Variants in PTK2 observed in about 807,000 individuals in gnomAD.
PTK2 encodes protein tyrosine kinase 2, also known as focal adhesion kinase 1.
PTK2 carries 45 observed loss-of-function variants against 150.1 expected under a neutral mutation model. The observed-to-expected ratio is 0.30, with a 90% confidence interval of 0.24 to 0.38. The LOEUF is 0.38. Among genes scored for constraint, PTK2 ranks in the 10% least tolerant of loss-of-function variants. The probability of loss-of-function intolerance (pLI) is 1.00; values close to 1 mark genes in which losing one functional copy is unlikely to be tolerated. For synonymous variants in PTK2, 432 were observed against 449.2 expected, an observed-to-expected ratio of 0.96 and a Z score of 0.48; for missense variants, 919 against 1,307.3, an observed-to-expected ratio of 0.70 and a Z score of 4.58.
chr8:140,904,847 C>T (rs1268068170), intron 2 of PTK2, among the ~76,000 whole-genome samples: 1 of 151,872 alleles, frequency 6.6e-6, no homozygotes, highest in African/African-American at 2.4e-5. Context: ...TGGTGATATC[C>T]CCTTTATCAT....
rs998796552 is a variant in PTK2, at chr8:140,704,889, A to G, written c.2229+1230T>C. 3.3e-5 allele frequency among the ~76,000 whole-genome samples: 5 copies of G among 152,176 alleles called. 1 individual carries two copies. Among genetic ancestry groups the G allele is most frequent in the Admixed American group, 3.3e-4 (5 of 15,274 alleles). On this transcript the variant is annotated intron_variant, in intron 24 of 31. Transcript: ENST00000522684. The stretch of plus-strand genomic sequence containing the variant: ...TGTCTTCATATTCCCAGTCCCTAGA[A>G]TAGTACCAGGCAGAGTAGATGAACA...
chr8:140,766,070 G>A (rs2100072090), intron 14 of PTK2, among the ~76,000 whole-genome samples: 1 of 152,118 alleles, frequency 6.6e-6, no homozygotes, highest in African/African-American at 2.4e-5. Flanking sequence ...CCCTGCTGCA[G>A]CAGGATTTTG....
At chr8:140,783,914 G>C (rs1294437731) in intron 14 of PTK2, among the ~76,000 whole-genome samples, 2 of 152,162 alleles carry the variant, frequency 1.3e-5, no homozygotes, top group East Asian at 3.8e-4. Flanking sequence ...TTTAATTCCA[G>C]CACTTTGGAA....
rs79910368 is a variant in PTK2, at chr8:140,918,939, A to T, written c.-33+6722T>A. Among the ~76,000 whole-genome samples the T allele has an allele frequency of 4.2e-3, 647 of 152,310 alleles. 8 individuals are homozygous for T. Among genetic ancestry groups the T allele is most frequent in the African/African-American group, 0.015 (628 of 41,550 alleles). On this transcript the variant is annotated intron_variant, in intron 2 of 31. Transcript: ENST00000522684. ...CAACATCTTTGTCCTTATCACACAG[A>T]TAAAAATTAACCAGCATAACAACAA...
intron 14 of PTK2, among the ~76,000 whole-genome samples, chr8:140,776,744 C>T (rs572211961): frequency 1.3e-5 from 2 of 152,154 alleles, no homozygotes; most frequent in African/African-American, 2.4e-5. Context: ...ATAGTGGCCA[C>T]GGGTCTGGAG....
At chr8:140,927,957 A>AG (rs2100170155) in intron 1 of PTK2, among the ~76,000 whole-genome samples, 3 of 79,164 alleles carry the variant, frequency 3.8e-5, no homozygotes, top group African/African-American at 1.5e-4. Context: ...AAAAAAAAAA[A>AG]GAAAAAAAAA....
intron 14 of PTK2, among the ~76,000 whole-genome samples, chr8:140,784,645 A>G (rs1380477176): frequency 6.6e-6 from 1 of 152,190 alleles, no homozygotes; most frequent in Admixed American, 6.5e-5. Flanking sequence ...GATAGACTGC[A>G]GCACCTGACT....
chr8:140,890,459 T>C (rs544458100), intron 3 of PTK2, 84 bp downstream of exon 3: 2 of 1,171,680 alleles, frequency 1.7e-6, no homozygotes, highest in South Asian at 3.0e-5. Context: ...TAAATAAAAA[T>C]TATTACACTA....
At chr8:140,794,683 C>G (rs1303612062) in intron 12 of PTK2, among the ~76,000 whole-genome samples, 5 of 152,174 alleles carry the variant, frequency 3.3e-5, no homozygotes, top group African/African-American at 1.2e-4. Flanking sequence ...CTCATGGCAC[C>G]TCTTCGTCTT....
intron 26 of PTK2, among the ~76,000 whole-genome samples, chr8:140,691,946 T>G (rs1225051540): frequency 1.3e-5 from 2 of 152,214 alleles, no homozygotes; most frequent in Non-Finnish European, 2.9e-5. Flanking sequence ...CTTCAATCAG[T>G]CAACAGATAA....
At chr8:140,853,725 A>G (rs2100130816) in intron 5 of PTK2, among the ~76,000 whole-genome samples, 1 of 152,308 alleles carries the variant, frequency 6.6e-6, no homozygotes, top group East Asian at 1.9e-4. Context: ...TACAAGAGTG[A>G]AAAAGGGAGA....
chr8:140,826,449 C>T (rs1452960771), intron 8 of PTK2, among the ~76,000 whole-genome samples: 1 of 152,100 alleles, frequency 6.6e-6, no homozygotes, highest in African/African-American at 2.4e-5. Context: ...ATTGGGTACA[C>T]AAAATTACAG....
At chr8:140,782,745 T>A (rs974865610) in intron 14 of PTK2, among the ~76,000 whole-genome samples, 4 of 152,016 alleles carry the variant, frequency 2.6e-5, no homozygotes, top group African/African-American at 9.7e-5. Flanking sequence ...CACAGCATTA[T>A]CAAAATTGAA....
At chr8:140,978,959 G>A (rs1404630439) in intron 1 of PTK2, among the ~76,000 whole-genome samples, 1 of 151,860 alleles carries the variant, frequency 6.6e-6, no homozygotes, top group Non-Finnish European at 1.5e-5. Context: ...GTCCTTTGTA[G>A]GGACATGGAT....
intron 1 of PTK2, among the ~76,000 whole-genome samples, chr8:140,940,138 G>C (rs552093005): frequency 1.3e-5 from 2 of 152,160 alleles, no homozygotes; most frequent in Non-Finnish European, 2.9e-5. Context: ...TGATAGGATG[G>C]GCAAGTAATA....
chr8:140,744,798 A>G (rs1166248036), intron 18 of PTK2, 31 bp from the exon 22 acceptor site: 16 of 1,336,668 alleles, frequency 1.2e-5, no homozygotes, highest in African/African-American at 1.5e-5. Context: ...AGAAAAAAAA[A>G]AAAAAAAGAA....
At chr8:140,902,690 T>C (rs1425329550) in intron 2 of PTK2, among the ~76,000 whole-genome samples, 1 of 152,210 alleles carries the variant, frequency 6.6e-6, no homozygotes, top group Non-Finnish European at 1.5e-5. Flanking sequence ...TGGTTTTGCT[T>C]TGCATGTCTC....
At chr8:140,708,485 C>T (rs925905041) in intron 23 of PTK2, among the ~76,000 whole-genome samples, 1 of 152,190 alleles carries the variant, frequency 6.6e-6, no homozygotes, top group African/African-American at 2.4e-5. Context: ...ACCCTACCTT[C>T]GGTTGCAGGT....
rs2100012390 is a variant in PTK2 at position 140,674,422 on chromosome 8, T to C, written c.2603-18A>G. 30 of 1,566,026 alleles carry C rather than the reference T, an allele frequency of 1.9e-5. No individual in the cohort carries two copies. The highest frequency in any genetic ancestry group is 2.5e-5 in the Non-Finnish European group (29 of 1,152,594). On this transcript the variant is annotated intron_variant, in intron 28 of 31. Coordinates refer to ENST00000522684, the Ensembl canonical transcript of PTK2. ...TGCAGGATCTGGTGAGAGAGAATGA[T>C]TCCCATTAAGTCATGTGCGTTAAGA...
Sources: gnomAD v4.1 joint callset for allele counts (sites outside exome capture counted in the v4.1 genomes callset) on GRCh38, gnomAD v4.1.1 for gene constraint, MANE v1.5 for transcripts, NCBI Gene and HGNC (gene_info 2026-07-23, HGNC 2026-07-21) for gene names.